Variants in MGAT5 observed in about 807,000 individuals in gnomAD.
MGAT5 encodes the protein alpha-1,6-mannosylglycoprotein 6-beta-N-acetylglucosaminyltransferase A.
In MGAT5, 30 loss-of-function variants were observed where a neutral mutation model predicts 94.3. The observed-to-expected ratio is 0.32, with a 90% CI of 0.24 to 0.43. The LOEUF (loss-of-function observed/expected upper bound fraction) is 0.43. Ranked by LOEUF, MGAT5 falls within the 20% of genes least tolerant of loss-of-function variation. The pLI, the probability that MGAT5 is intolerant of heterozygous loss-of-function variation, is 1.00. For missense variants in MGAT5, 691 were observed against 905.5 expected, an observed-to-expected ratio of 0.76 and a Z score of 3.04; for synonymous variants, 310 against 322.9, an observed-to-expected ratio of 0.96 and a Z score of 0.43.
chr2:134,256,715 A>C (rs1023675048), intron 1 of MGAT5, among the ~76,000 whole-genome samples: 1 of 152,248 alleles, frequency 6.6e-6, no homozygotes, highest in Non-Finnish European at 1.5e-5. Flanking sequence ...ATCTCAAAGA[A>C]ACTATAGAAA....
At chr2:134,378,966 A>G (rs1279916394) in intron 10 of MGAT5, among the ~76,000 whole-genome samples, 2 of 152,188 alleles carry the variant, frequency 1.3e-5, no homozygotes, top group African/African-American at 4.8e-5. Flanking sequence ...AGTTCCTGGC[A>G]CATAGTAATG....
Position 134,452,383 on chromosome 2 carries a change from T to G in MGAT5, c.*3536T>G, listed in dbSNP as rs137947517. ...GCATCCAAGGAGTTCAGGGCCCTGC[T>G]TGGAGAAGAAATACTTTAGCATCAT... On this transcript the variant is annotated 3_prime_UTR_variant, in exon 16 of 16. Coordinates refer to ENST00000281923, the MANE Select transcript of MGAT5 (RefSeq NM_002410.5). The G allele has an allele frequency of 6.7e-4, 102 of 152,318 alleles. No homozygotes were observed. Among genetic ancestry groups the G allele is most frequent in the African/African-American group, 2.4e-3 (99 of 41,564 alleles). The allele number at this position is 152,318 out of a possible 1,614,324, so 9.4% of individuals were successfully genotyped here. A position where few individuals can be genotyped will look rare whatever the true frequency, so the allele number is the denominator to read the frequency against.
intron 10 of MGAT5, among the ~76,000 whole-genome samples, chr2:134,387,959 A>C (rs1682135834): frequency 6.6e-6 from 1 of 152,182 alleles, no homozygotes; most frequent in Admixed American, 6.5e-5. Flanking sequence ...TAATTCTTTG[A>C]TGACAGCTCT....
intron 10 of MGAT5, among the ~76,000 whole-genome samples, chr2:134,387,301 G>GATATATATATATATATAT (rs1553458949): frequency 1.1e-3 from 45 of 42,566 alleles, no homozygotes; most frequent in South Asian, 2.8e-3. Context: ...AGTTATGTAT[G>GATATATATATATATATAT]ATATATATAT....
intron 1 of MGAT5, among the ~76,000 whole-genome samples, chr2:134,243,935 T>C (rs1203749005): frequency 1.3e-5 from 2 of 152,320 alleles, no homozygotes; most frequent in East Asian, 1.9e-4. Flanking sequence ...GCATTACCCA[T>C]ATTTTTGAAA....
In MGAT5 at chr2:134,387,332, A is replaced by ATTTTTTTTTT. The variant is rs35936767; in HGVS notation, c.1381-15644_1381-15635dup. Among the ~76,000 whole-genome samples, 11 of 24,262 alleles carry ATTTTTTTTTT rather than the reference A, an allele frequency of 4.5e-4. 1 individual carries two copies. The highest frequency in any genetic ancestry group is 1.8e-3 in the African/African-American group (9 of 4,972). The allele number at this position is 24,262 out of a possible 152,430, so 15.9% of individuals were successfully genotyped here. A position where few individuals can be genotyped will look rare whatever the true frequency, so the allele number is the denominator to read the frequency against. ...TATATATATATATATATATATATAT[A>ATTTTTTTTTT]TTTTTTTTTTTTTTTTTTTTTACCA... On this transcript the variant is annotated intron_variant, in intron 10 of 15. Coordinates refer to ENST00000281923, the MANE Select transcript of MGAT5 (RefSeq NM_002410.5).
chr2:134,412,765 A>C, intron 11 of MGAT5, 104 bp from the exon 12 acceptor site: 3 of 1,435,260 alleles, frequency 2.1e-6, no homozygotes, highest in Non-Finnish European at 2.9e-6. Flanking sequence ...AGGTGTCCAC[A>C]CGGGAATGGG....
At chr2:134,257,783 A>G (rs146695206) in intron 1 of MGAT5, among the ~76,000 whole-genome samples, 1,887 of 146,736 alleles carry the variant, frequency 0.013, 17 homozygotes, top group African/African-American at 0.017. Flanking sequence ...TCAATGGTAT[A>G]GCTGGGCTGG....
At chr2:134,243,594 T>C (rs764944111) in intron 1 of MGAT5, among the ~76,000 whole-genome samples, 2 of 152,188 alleles carry the variant, frequency 1.3e-5, no homozygotes, top group African/African-American at 4.8e-5. Context: ...GGCTGTGCGA[T>C]TGAGTGGCTT....
At chr2:134,436,049 C>A (rs1685150749) in intron 14 of MGAT5, among the ~76,000 whole-genome samples, 1 of 152,232 alleles carries the variant, frequency 6.6e-6, no homozygotes, top group African/African-American at 2.4e-5. Context: ...TACCTCCAGA[C>A]TCTTGCAGCA....
At chr2:134,447,216 C>T (rs1685836218) in intron 15 of MGAT5, among the ~76,000 whole-genome samples, 1 of 152,164 alleles carries the variant, frequency 6.6e-6, no homozygotes, top group Non-Finnish European at 1.5e-5. Context: ...CATCCTCATC[C>T]CCTCCGTGTC....
chr2:134,203,974 C>A lies in MGAT5; in HGVS notation c.-142-50288C>A, dbSNP rs572469717. Among the ~76,000 whole-genome samples the A allele has an allele frequency of 1.7e-3, 260 of 152,272 alleles. 2 individuals are homozygous for A. The highest frequency in any genetic ancestry group is 5.9e-3 in the African/African-American group (246 of 41,536). On this transcript the variant is annotated intron_variant, in intron 1 of 16. Transcript: ENST00000409645. ...GTAATTCCCTCTGAGTACTTACTAC[C>A]TGGCACAAGCTAGGAGTTATCATAC... is the stretch of plus-strand genomic sequence containing the variant.
rs944448650 is a variant in MGAT5, at chr2:134,450,778, G to A, written c.*1931G>A. 1 of 136,790 alleles carries A rather than the reference G, an allele frequency of 7.3e-6. No homozygotes were observed. The highest frequency in any genetic ancestry group is 1.5e-5 in the Non-Finnish European group (1 of 65,840). 8.5% of individuals were successfully genotyped at this position (136,790 alleles called of 1,614,324 possible). ...GCAGAAGTCCAAAGGAAACCTTGGT[G>A]AGTGAGTGTGTGTGTGTGTGTGTGT... On this transcript the variant is annotated 3_prime_UTR_variant, in exon 16 of 16. Transcript: ENST00000281923.
chr2:134,396,301 G>T (rs1190554728), intron 10 of MGAT5, among the ~76,000 whole-genome samples: 1 of 152,106 alleles, frequency 6.6e-6, no homozygotes, highest in Non-Finnish European at 1.5e-5. Context: ...AATTTTTTCG[G>T]CTACACTGCT....
intron 1 of MGAT5, among the ~76,000 whole-genome samples, chr2:134,199,002 C>T (rs1255323020): frequency 6.6e-6 from 1 of 152,198 alleles, no homozygotes; most frequent in African/African-American, 2.4e-5. Flanking sequence ...TGTCTTAAAA[C>T]ATTTTGGTTA....
intron 1 of MGAT5, among the ~76,000 whole-genome samples, chr2:134,148,759 G>GGTTT (rs1687038847): frequency 8.4e-6 from 1 of 118,724 alleles, no homozygotes; most frequent in East Asian, 2.5e-4. Context: ...TCTTTCTTAG[G>GGTTT]TTTTTTTTTT....
intron 1 of MGAT5, among the ~76,000 whole-genome samples, chr2:134,219,824 T>A (rs1387189385): frequency 6.6e-6 from 1 of 152,216 alleles, no homozygotes; most frequent in African/African-American, 2.4e-5. Flanking sequence ...GTTTCAAATC[T>A]TGTTCCTGCC....
chr2:134,176,211 A>G (rs1250937391), intron 1 of MGAT5, among the ~76,000 whole-genome samples: 1 of 151,834 alleles, frequency 6.6e-6, no homozygotes, highest in African/African-American at 2.4e-5. Flanking sequence ...AGGATTGGGA[A>G]GGGGGTGTGG....
chr2:134,184,323 G>A (rs894827075), intron 1 of MGAT5, among the ~76,000 whole-genome samples: 9 of 152,146 alleles, frequency 5.9e-5, no homozygotes, highest in Non-Finnish European at 1.3e-4. Context: ...GCCCACTTTG[G>A]CCTCTCTAGA....
Sources: gnomAD v4.1 joint callset for allele counts (sites outside exome capture counted in the v4.1 genomes callset) on GRCh38, gnomAD v4.1.1 for gene constraint, MANE v1.5 for transcripts, NCBI Gene and HGNC (gene_info 2026-07-23, HGNC 2026-07-21) for gene names.